Variants in SPRYD7 observed in about 807,000 individuals in gnomAD.
SPRYD7 encodes SPRY domain containing 7, also known as SPRY domain-containing protein 7.
SPRYD7 carries 14 observed loss-of-function variants against 23.8 expected under a neutral mutation model. That is an observed-to-expected ratio of 0.59 (90% CI 0.39 to 0.92). The LOEUF (loss-of-function observed/expected upper bound fraction) is 0.92. Among genes scored for constraint, SPRYD7 ranks in the 40% least tolerant of loss-of-function variants. The probability of loss-of-function intolerance (pLI) is 0.00; values close to 1 mark genes in which losing one functional copy is unlikely to be tolerated. For missense variants in SPRYD7, 194 were observed against 241.7 expected (o/e 0.80, Z 1.31); for synonymous variants, 75 against 84.9 (o/e 0.88, Z 0.64).
At chr13:49,930,319 T>C (rs55727821) in intron 2 of SPRYD7, among the ~76,000 whole-genome samples, 27,823 of 151,372 alleles carry the variant, frequency 0.18, 2,930 homozygotes, top group African/African-American at 0.28. Flanking sequence ...CTCTGGCTCA[T>C]GCCTGTAATC....
intron 2 of SPRYD7, 106 bp from the exon 3 acceptor site, chr13:49,928,191 A>G: frequency 1.0e-6 from 1 of 980,882 alleles, no homozygotes; most frequent in African/African-American, 1.6e-5. Flanking sequence ...TATTAACACT[A>G]AATTGTTTTC....
chr13:49,936,327 C>G lies in SPRYD7; in HGVS notation c.-92G>C. ...TCCGTCTCCTGCCCCCGCCCGAGGT[C>G]CGGACTTGTCTATGTGGAGCTCGGA... On this transcript the variant is annotated 5_prime_UTR_variant, in exon 1 of 5. Transcript: ENST00000361840. 1.1e-6 allele frequency: 1 copy of G among 884,608 alleles called. No individual in the cohort carries two copies. Among genetic ancestry groups the G allele is most frequent in the Non-Finnish European group, 1.7e-6 (1 of 594,366 alleles). 54.8% of individuals were successfully genotyped at this position (884,608 alleles called of 1,614,324 possible). A position where few individuals can be genotyped will look rare whatever the true frequency, so the allele number is the denominator to read the frequency against.
chr13:49,913,904 C>G lies in SPRYD7; in HGVS notation c.*1159G>C, dbSNP rs1955722842. 6.6e-6 allele frequency: 1 copy of G among 152,138 alleles called. No homozygotes were observed. Among genetic ancestry groups the G allele is most frequent in the African/African-American group, 2.4e-5 (1 of 41,430 alleles). The allele number at this position is 152,138 out of a possible 1,614,324, so 9.4% of individuals were successfully genotyped here. ...GAATCTTATGTCAGTATGATTGCTC[C>G]TTTTATAAATGGGAATCTGAGACTT... On this transcript the variant is annotated 3_prime_UTR_variant, in exon 5 of 5. Coordinates refer to ENST00000361840, the MANE Select transcript of SPRYD7 (RefSeq NM_020456.4).
intron 1 of SPRYD7, 56 bp downstream of exon 1, chr13:49,936,074 G>T: frequency 7.4e-7 from 1 of 1,345,740 alleles, no homozygotes. Context: ...AGGTCCCCCT[G>T]CCCGCCGCGC....
At chr13:49,920,333 C>T (rs1170499726) in intron 4 of SPRYD7, among the ~76,000 whole-genome samples, 1 of 151,882 alleles carries the variant, frequency 6.6e-6, no homozygotes, top group Non-Finnish European at 1.5e-5. Flanking sequence ...CTATTTCCCT[C>T]AGAAGAGCAT....
intron 3 of SPRYD7, 67 bp downstream of exon 3, chr13:49,927,852 T>C (rs1298783652): frequency 9.8e-6 from 15 of 1,538,250 alleles, no homozygotes; most frequent in African/African-American, 1.4e-5. Flanking sequence ...CAGACAAAGC[T>C]GTAGATACTA....
At chr13:49,924,994 A>AAATAAATAAT in intron 3 of SPRYD7, among the ~76,000 whole-genome samples, 1 of 135,794 alleles carries the variant, frequency 7.4e-6, no homozygotes, top group African/African-American at 2.6e-5. Context: ...AAAAATAAAT[A>AAATAAATAAT]AATAATAATA....
Position 49,931,109 on chromosome 13 carries a change from A to G in SPRYD7, c.132T>C (p.Asn44=). 6.2e-7 allele frequency: 1 copy of G among 1,612,060 alleles called. No homozygotes were observed. Among genetic ancestry groups the G allele is most frequent in the Non-Finnish European group, 8.5e-7 (1 of 1,178,502 alleles). The change falls in exon 2 of 5, where the codon AAT becomes AAC. Residue 44 remains asparagine (N), a synonymous_variant. Coordinates refer to ENST00000361840, the MANE Select transcript of SPRYD7 (RefSeq NM_020456.4). ...HMGTDVVIVK[N]GRRICGTGGC... is the part of the protein sequence containing the mutation. ...CTCCTGTTCCACATATTCTTCTTCC[A>G]TTCTTTACAATAACAACATCTGTTC...
chr13:49,916,057 G>A (rs960734383), intron 4 of SPRYD7, among the ~76,000 whole-genome samples: 1 of 152,168 alleles, frequency 6.6e-6, no homozygotes, highest in African/African-American at 2.4e-5. Context: ...GGAGTGGTGA[G>A]TAGGATATAA....
At chr13:49,931,823 C>T (rs1871396949) in intron 1 of SPRYD7, among the ~76,000 whole-genome samples, 2 of 152,150 alleles carry the variant, frequency 1.3e-5, no homozygotes, top group Admixed American at 1.3e-4. Flanking sequence ...TGGCACAAGC[C>T]TGTAGTCCCA....
chr13:49,926,632 G>A lies in SPRYD7; in HGVS notation c.390+1287C>T, dbSNP rs370963492. On this transcript the variant is annotated intron_variant, in intron 3 of 4. Coordinates refer to ENST00000361840, the MANE Select transcript of SPRYD7 (RefSeq NM_020456.4). Reference sequence around the variant, plus strand: ...CATATTTTTTAAATTGCAAAAAAGAGAAGAAAGATCAGGCCGTAATTAAAA... The same window carrying A: ...CATATTTTTTAAATTGCAAAAAAGAAAAGAAAGATCAGGCCGTAATTAAAA... Among the ~76,000 whole-genome samples the A allele has an allele frequency of 8.8e-4, 134 of 152,128 alleles. 1 individual carries two copies. Among genetic ancestry groups the A allele is most frequent in the African/African-American group, 3.0e-3 (126 of 41,512 alleles).
chr13:49,915,028 CA>C lies in SPRYD7; in HGVS notation c.*34del. On this transcript the variant is annotated 3_prime_UTR_variant, in exon 5 of 5. Transcript: ENST00000361840. The stretch of plus-strand genomic sequence containing the variant: ...TTATTAAATGATGAACATTTTTTAA[CA>C]GTGCAGAAATACAAGTTTTAAAAAC... The C allele has an allele frequency of 8.5e-7, 1 of 1,172,116 alleles. No homozygotes were observed. Among genetic ancestry groups the C allele is most frequent in the Non-Finnish European group, 1.2e-6 (1 of 816,898 alleles). 72.6% of individuals were successfully genotyped at this position (1,172,116 alleles called of 1,614,324 possible). A position where few individuals can be genotyped will look rare whatever the true frequency, so the allele number is the denominator to read the frequency against.
rs906401978 is a variant in SPRYD7 at position 49,914,477 on chromosome 13, C to T, written c.*586G>A. 2.6e-5 allele frequency: 4 copies of T among 152,374 alleles called. No individual in the cohort carries two copies. The highest frequency in any genetic ancestry group is 5.9e-5 in the Non-Finnish European group (4 of 68,018). The allele number at this position is 152,374 out of a possible 1,614,324, so 9.4% of individuals were successfully genotyped here. On this transcript the variant is annotated 3_prime_UTR_variant, in exon 5 of 5. Coordinates refer to ENST00000361840, the MANE Select transcript of SPRYD7 (RefSeq NM_020456.4). Reference sequence around the variant, plus strand: ...CAAAATGCTCTGACAATTACTGAAACGTTTATCTCCTTTCACAAAGCAAAT... The same window carrying T: ...CAAAATGCTCTGACAATTACTGAAATGTTTATCTCCTTTCACAAAGCAAAT...
intron 2 of SPRYD7, among the ~76,000 whole-genome samples, chr13:49,929,473 A>T (rs1009400121): frequency 6.6e-6 from 1 of 151,870 alleles, no homozygotes; most frequent in Non-Finnish European, 1.5e-5. Flanking sequence ...GTTTATTTAC[A>T]ATAAAGCTTG....
intron 4 of SPRYD7, among the ~76,000 whole-genome samples, chr13:49,917,022 T>C (rs1000878383): frequency 7.9e-5 from 12 of 152,340 alleles, no homozygotes; most frequent in Admixed American, 3.9e-4. Context: ...ACAGAATGCA[T>C]AGACATGCAC....
At chr13:49,924,849 A>G (rs962150941) in intron 3 of SPRYD7, among the ~76,000 whole-genome samples, 1 of 151,078 alleles carries the variant, frequency 6.6e-6, no homozygotes, top group African/African-American at 2.4e-5. Flanking sequence ...GGTGGCAGGC[A>G]CCTGTAATTG....
chr13:49,916,068 G>A (rs1955748152), intron 4 of SPRYD7, among the ~76,000 whole-genome samples: 2 of 152,142 alleles, frequency 1.3e-5, no homozygotes, highest in Non-Finnish European at 2.9e-5. Flanking sequence ...TAGGATATAA[G>A]AGGCAGAAGG....
At chr13:49,916,539 A>AC (rs1955753365) in intron 4 of SPRYD7, among the ~76,000 whole-genome samples, 1 of 150,948 alleles carries the variant, frequency 6.6e-6, no homozygotes, top group Non-Finnish European at 1.5e-5. Context: ...TATACAACAA[A>AC]CCCCCCACCG....
rs1184428645 is a variant in SPRYD7, at chr13:49,928,068, C to T, written c.241G>A (p.Val81Ile). ...TTCAAGTTAACCTTCTGAGTTGCAA[C>T]ACCAATACCCCAGATTCCTAAAAAT... ...IQSTGIWGIG[V>I]ATQKVNLNQI... Residue 81 changes from valine to isoleucine, a missense_variant, in exon 3 of 5, where the codon GTT (valine) becomes ATT (isoleucine). Val to Ile is a conservative substitution (Grantham distance 29, BLOSUM62 3). Transcript: ENST00000361840. 1 of 1,614,012 alleles carries T rather than the reference C, an allele frequency of 6.2e-7. No individual in the cohort carries two copies. The highest frequency in any genetic ancestry group is 1.7e-5 in the Admixed American group (1 of 59,998).
Sources: gnomAD v4.1 joint callset for allele counts (sites outside exome capture counted in the v4.1 genomes callset) on GRCh38, gnomAD v4.1.1 for gene constraint, MANE v1.5 for transcripts, NCBI Gene and HGNC (gene_info 2026-07-23, HGNC 2026-07-21) for gene names.